TFAP2D: variants seen among roughly 807,000 people sequenced by gnomAD.
TFAP2D encodes the protein transcription factor AP-2-delta.
TFAP2D carries 9 observed loss-of-function variants against 43.6 expected under a neutral mutation model. The ratio of observed to expected loss-of-function variants is 0.21; its 90% CI spans 0.12 to 0.36. The LOEUF (loss-of-function observed/expected upper bound fraction) is 0.36, where lower values mean the gene tolerates loss of function less well. Among genes scored for constraint, TFAP2D ranks in the 10% least tolerant of loss-of-function variants. The probability of loss-of-function intolerance (pLI) is 1.00; values close to 1 mark genes in which losing one functional copy is unlikely to be tolerated. For missense variants in TFAP2D, 513 were observed against 561.4 expected (o/e 0.91, Z 0.87); for synonymous variants, 256 against 224.9 (o/e 1.14, Z -1.24).
rs1336888070 is a variant in TFAP2D, at chr6:50,745,199, A to T, written c.976A>T (p.Met326Leu). The T allele has an allele frequency of 6.2e-7, 1 of 1,613,748 alleles. No individual in the cohort carries two copies. Among genetic ancestry groups the T allele is most frequent in the Non-Finnish European group, 8.5e-7 (1 of 1,179,780 alleles). Residue 326 changes from methionine to leucine, a missense_variant, in exon 6 of 8, where the codon ATG becomes TTG. Met to Leu is a conservative substitution (Grantham distance 15). Around this residue, in one of 3 missense-constraint regions of TFAP2D, gnomAD observed 199 missense variants for 227.9 expected, o/e 0.87. Coordinates refer to ENST00000008391, the MANE Select transcript of TFAP2D (RefSeq NM_172238.4). ...AVGEHLARQH[M>L]EQKEQTARKK... ...AGGAGAACATCTTGCCAGACAACAT[A>T]TGGAACAGAAAGAACAGACAGCAAG...
chr6:50,734,665 C>T (rs1055439793), intron 5 of TFAP2D, among the ~76,000 whole-genome samples: 1 of 152,062 alleles, frequency 6.6e-6, no homozygotes, highest in Admixed American at 6.6e-5. Context: ...TACCCAGTTA[C>T]TACTATTCTC....
chr6:50,760,329 A>C (rs748893809), intron 7 of TFAP2D, among the ~76,000 whole-genome samples: 3 of 152,042 alleles, frequency 2.0e-5, no homozygotes, highest in Non-Finnish European at 4.4e-5. Context: ...TTTTCTCTGC[A>C]TTTAAATGGA....
chr6:50,720,983 A>G (rs952642309), intron 3 of TFAP2D, among the ~76,000 whole-genome samples: 2 of 152,204 alleles, frequency 1.3e-5, no homozygotes, highest in Non-Finnish European at 2.9e-5. Flanking sequence ...AGGGAGTTAG[A>G]GAGGAAGAGG....
chr6:50,743,378 T>C (rs1444592842), intron 5 of TFAP2D, among the ~76,000 whole-genome samples: 1 of 151,872 alleles, frequency 6.6e-6, no homozygotes, highest in African/African-American at 2.4e-5. Flanking sequence ...TTGTTTTGTT[T>C]TGTTTTGTTT....
chr6:50,715,058 T>C (rs1768593569), intron 1 of TFAP2D, 58 bp from the exon 2 acceptor site: 1 of 1,569,246 alleles, frequency 6.4e-7, no homozygotes, highest in African/African-American at 1.4e-5. Flanking sequence ...GGCGCCTTGG[T>C]TGCAAAATGA....
rs1260652173 is a variant in TFAP2D, at chr6:50,715,624, A to G, written c.537+11A>G. 6.3e-7 allele frequency: 1 copy of G among 1,581,924 alleles called. No homozygotes were observed. Among genetic ancestry groups the G allele is most frequent in the Non-Finnish European group, 8.6e-7 (1 of 1,163,980 alleles). On this transcript the variant is annotated intron_variant, in intron 2 of 7. Transcript: ENST00000008391. ...GCAGACGACTTGCAGGTAAATAAGC[A>G]TGCAGCGAATTTGTCTGCTCCCTCC...
chr6:50,715,000 G>C (rs1228729822), intron 1 of TFAP2D, 116 bp from the exon 2 acceptor site: 1 of 1,384,414 alleles, frequency 7.2e-7, no homozygotes. Context: ...AGTCCTACGC[G>C]CTCGCTTTCC....
intron 5 of TFAP2D, among the ~76,000 whole-genome samples, chr6:50,742,591 TAGATAGATA>T (rs1441745382): frequency 6.7e-6 from 1 of 150,326 alleles, no homozygotes; most frequent in Non-Finnish European, 1.5e-5. Context: ...GATAGATAGA[TAGATAGATA>T]GATAGATAGA....
Position 50,751,273 on chromosome 6 carries a change from G to C in TFAP2D, c.1088G>C (p.Arg363Thr). Residue 363 changes from arginine to threonine, a missense_variant, in exon 7 of 8, where the codon AGA becomes ACA. Physicochemically the swap from Arg to Thr is moderately conservative, Grantham distance 71 (BLOSUM62 -1). This residue lies in a region of TFAP2D where 199 missense variants were observed against 227.9 expected (regional missense o/e 0.87). Coordinates refer to ENST00000008391, the MANE Select transcript of TFAP2D (RefSeq NM_172238.4). The part of the protein sequence containing the change: ...SQDRSPLGSS[R>T]PTPILDLDIQ... The stretch of plus-strand genomic sequence containing the variant: ...GATAGATCACCACTGGGATCCTCCA[G>C]ACCCACTCCAATTCTAGACCTTGAC... 1 of 1,611,674 alleles carries C rather than the reference G, an allele frequency of 6.2e-7. No individual in the cohort carries two copies. Among genetic ancestry groups the C allele is most frequent in the Non-Finnish European group, 8.5e-7 (1 of 1,178,416 alleles).
chr6:50,720,920 CTGCA>C (rs1304666426), intron 3 of TFAP2D, among the ~76,000 whole-genome samples: 1 of 152,242 alleles, frequency 6.6e-6, no homozygotes, highest in Non-Finnish European at 1.5e-5. Flanking sequence ...TGCTTGGAAA[CTGCA>C]TCTGAGCGTA....
chr6:50,762,406 A>G (rs1357950942), intron 7 of TFAP2D, among the ~76,000 whole-genome samples: 1 of 151,962 alleles, frequency 6.6e-6, no homozygotes, highest in Non-Finnish European at 1.5e-5. Context: ...CACTACACAC[A>G]CGAGTGCAAA....
intron 6 of TFAP2D, among the ~76,000 whole-genome samples, chr6:50,745,784 T>C (rs979306766): frequency 9.9e-5 from 15 of 151,304 alleles, no homozygotes; most frequent in African/African-American, 3.2e-4. Context: ...AGTGTTATTG[T>C]CTTTTTTTTT....
chr6:50,715,670 CGCCCCA>C, intron 2 of TFAP2D, 57 bp downstream of exon 2: 1 of 1,526,850 alleles, frequency 6.5e-7, no homozygotes. Context: ...CTCCCCCTGC[CGCCCCA>C]TTAATGCTCC....
In TFAP2D at chr6:50,713,655, A is replaced by G. The variant is rs780136149; in HGVS notation, c.-401A>G. 2.0e-5 allele frequency among the ~76,000 whole-genome samples: 3 copies of G among 152,214 alleles called. No homozygotes were observed. Among genetic ancestry groups the G allele is most frequent in the Admixed American group, 6.5e-5 (1 of 15,274 alleles). The stretch of plus-strand genomic sequence containing the variant: ...GGATAAAAATGTTGAAAGAACCTCC[A>G]GTTCCTTATTAGGCGAAGATACAAT... On this transcript the variant is annotated 5_prime_UTR_variant, in exon 1 of 8. Coordinates refer to ENST00000008391, the MANE Select transcript of TFAP2D (RefSeq NM_172238.4).
rs143424355 is a variant in TFAP2D, at chr6:50,718,771, C to T, written c.538-319C>T. ...GCTGAGTGTACACTGTCTGTATATA[C>T]GCTGTGTGCCTTGATGGGGACTCAA... is the stretch of plus-strand genomic sequence containing the variant. On this transcript the variant is annotated intron_variant, in intron 2 of 7. Transcript: ENST00000008391. 1.1e-3 allele frequency among the ~76,000 whole-genome samples: 163 copies of T among 152,288 alleles called. 2 individuals carry two copies. In the East Asian group the frequency reaches 0.025, roughly 23 times the overall value.
At chr6:50,737,824 A>C (rs1174997595) in intron 5 of TFAP2D, among the ~76,000 whole-genome samples, 1 of 152,128 alleles carries the variant, frequency 6.6e-6, no homozygotes, top group Non-Finnish European at 1.5e-5. Context: ...AATATCATTT[A>C]GGTGTTTTCA....
At chr6:50,736,511 T>G (rs1383035251) in intron 5 of TFAP2D, among the ~76,000 whole-genome samples, 1 of 152,202 alleles carries the variant, frequency 6.6e-6, no homozygotes, top group Admixed American at 6.6e-5. Flanking sequence ...ATTCAAAAAT[T>G]GGTTTCAATG....
intron 6 of TFAP2D, among the ~76,000 whole-genome samples, chr6:50,748,415 T>G (rs887912933): frequency 6.6e-6 from 1 of 151,910 alleles, no homozygotes; most frequent in Admixed American, 6.6e-5. Context: ...AATCTAAAAT[T>G]TATTGAATGA....
At chr6:50,731,352 G>A (rs1198764644) in intron 5 of TFAP2D, among the ~76,000 whole-genome samples, 2 of 151,878 alleles carry the variant, frequency 1.3e-5, no homozygotes, top group Non-Finnish European at 2.9e-5. Flanking sequence ...TTGAATTCCA[G>A]GCACATTGAT....
Sources: gnomAD v4.1 joint callset for allele counts (sites outside exome capture counted in the v4.1 genomes callset) on GRCh38, gnomAD v4.1.1 for gene constraint, gnomAD v4.1.1 regional missense constraint, MANE v1.5 for transcripts, NCBI Gene and HGNC (gene_info 2026-07-23, HGNC 2026-07-21) for gene names.